The following TSHZ2 variants were observed in gnomAD, a reference collection of about 807,000 sequenced individuals.
TSHZ2 encodes teashirt zinc finger homeobox 2, also known as teashirt homolog 2.
Under a neutral mutation model 74.4 loss-of-function variants are expected in TSHZ2, and 21 were observed. The ratio of observed to expected loss-of-function variants is 0.28; its 90% CI spans 0.20 to 0.41. The LOEUF is 0.41. TSHZ2 is among the 10% of genes least tolerant of loss of function. TSHZ2 has a pLI of 1.00. For synonymous variants in TSHZ2, 540 were observed against 515.3 expected, an observed-to-expected ratio of 1.05 and a Z score of -0.65; for missense variants, 1,244 against 1,293.5, an observed-to-expected ratio of 0.96 and a Z score of 0.59.
At chr20:53,163,458 T>A (rs955180795) in intron 1 of TSHZ2, among the ~76,000 whole-genome samples, 7 of 138,384 alleles carry the variant, frequency 5.1e-5, no homozygotes, top group South Asian at 2.1e-4. Flanking sequence ...TTTATTTTAT[T>A]TTTTTTTATT....
At chr20:53,372,276 G>A (rs1000560268) in intron 2 of TSHZ2, among the ~76,000 whole-genome samples, 4 of 152,068 alleles carry the variant, frequency 2.6e-5, no homozygotes, top group African/African-American at 9.7e-5. Context: ...AGAAGTTTGC[G>A]ACCAGCCTGG....
intron 1 of TSHZ2, among the ~76,000 whole-genome samples, chr20:53,136,377 G>A (rs562885460): frequency 3.3e-5 from 5 of 152,306 alleles, no homozygotes; most frequent in East Asian, 3.9e-4. Context: ...CCAAGGGATC[G>A]AAGAGCTAGT....
intron 1 of TSHZ2, among the ~76,000 whole-genome samples, chr20:52,996,729 T>G (rs532204994): frequency 2.0e-5 from 3 of 152,212 alleles, no homozygotes; most frequent in Non-Finnish European, 2.9e-5. Context: ...TCTAGGCTGC[T>G]GACATATGCG....
intron 1 of TSHZ2, among the ~76,000 whole-genome samples, chr20:53,163,743 T>C (rs1988002424): frequency 6.6e-6 from 1 of 152,180 alleles, no homozygotes; most frequent in Admixed American, 6.5e-5. Flanking sequence ...AGGAGTGGAC[T>C]CTTCATTCCC....
chr20:53,315,399 A>G (rs943619300), intron 2 of TSHZ2, among the ~76,000 whole-genome samples: 36 of 152,208 alleles, frequency 2.4e-4, no homozygotes, highest in Non-Finnish European at 4.6e-4. Flanking sequence ...CAAACTTTCC[A>G]CGTTTTGATC....
intron 2 of TSHZ2, among the ~76,000 whole-genome samples, chr20:53,393,214 A>C (rs374259921): frequency 5.3e-5 from 8 of 152,248 alleles, no homozygotes; most frequent in African/African-American, 1.7e-4. Flanking sequence ...CTTTGTGTCC[A>C]TGTGTACTCA....
chr20:53,215,751 C>T (rs1330623247), intron 1 of TSHZ2, among the ~76,000 whole-genome samples: 1 of 151,644 alleles, frequency 6.6e-6, no homozygotes, highest in African/African-American at 2.4e-5. Flanking sequence ...GCCTGTAATT[C>T]CAGCTACTCA....
chr20:53,275,087 C>T (rs1450000160), intron 2 of TSHZ2, among the ~76,000 whole-genome samples: 2 of 152,140 alleles, frequency 1.3e-5, no homozygotes, highest in Non-Finnish European at 2.9e-5. Context: ...ACATTCCTAA[C>T]AATGGGGAAA....
chr20:53,283,964 C>G (rs541606757), intron 2 of TSHZ2, among the ~76,000 whole-genome samples: 1 of 152,328 alleles, frequency 6.6e-6, no homozygotes, highest in Non-Finnish European at 1.5e-5. Context: ...GCAAAAGAGG[C>G]TTGAATGTAG....
chr20:53,296,153 G>A (rs1991375992), intron 2 of TSHZ2, among the ~76,000 whole-genome samples: 1 of 151,046 alleles, frequency 6.6e-6, no homozygotes, highest in Admixed American at 6.6e-5. Context: ...TTTTTTAATG[G>A]TGTGCTTCCT....
chr20:53,012,847 C>A (rs1438012786), intron 1 of TSHZ2, among the ~76,000 whole-genome samples: 2 of 152,140 alleles, frequency 1.3e-5, no homozygotes, highest in African/African-American at 4.8e-5. Context: ...CAGCTAAGAT[C>A]TCTCCTTTCC....
intron 2 of TSHZ2, among the ~76,000 whole-genome samples, chr20:53,265,318 A>G (rs770051438): frequency 2.6e-5 from 4 of 152,188 alleles, no homozygotes; most frequent in Non-Finnish European, 5.9e-5. Flanking sequence ...CACATTTTCA[A>G]TGCCACAAAG....
intron 1 of TSHZ2, chr20:53,206,635 A>G (rs1247207740): frequency 6.6e-6 from 1 of 152,204 alleles, no homozygotes; most frequent in Non-Finnish European, 1.5e-5. Context: ...AAGAGTATCA[A>G]GCACTCCACG....
chr20:53,303,897 C>T (rs1051123577), intron 2 of TSHZ2, among the ~76,000 whole-genome samples: 3 of 152,038 alleles, frequency 2.0e-5, no homozygotes, highest in South Asian at 2.1e-4. Flanking sequence ...TTTGTTTCTT[C>T]AGAATTCTTT....
intron 2 of TSHZ2, among the ~76,000 whole-genome samples, chr20:53,403,542 A>G (rs2145683667): frequency 6.6e-6 from 1 of 152,298 alleles, no homozygotes; most frequent in East Asian, 1.9e-4. Context: ...CTCTGTGTGC[A>G]GCATCCACAT....
At chr20:53,432,463 A>G (rs1983880704) in intron 2 of TSHZ2, among the ~76,000 whole-genome samples, 1 of 152,198 alleles carries the variant, frequency 6.6e-6, no homozygotes. Flanking sequence ...TGATATAACA[A>G]TTTATTTTCC....
At position 53,255,729 on chromosome 20, in the gene TSHZ2, G is replaced by A; in HGVS notation, c.2271G>A (p.Leu757=). 6.2e-7 allele frequency: 1 copy of A among 1,612,906 alleles called. No individual in the cohort carries two copies. Among genetic ancestry groups the A allele is most frequent in the Admixed American group, 1.7e-5 (1 of 59,836 alleles). The stretch of plus-strand genomic sequence containing the variant: ...CAGCCAGCGTGTCCAGGCGCTACCT[G>A]TTTGAGAACAGCGATCAGCCCATTG... ...TRSASVSRRY[L]FENSDQPIDL... The change falls in exon 2 of 3, where the codon CTG becomes CTA. Residue 757 remains leucine (L), a synonymous_variant. Coordinates refer to ENST00000371497, the MANE Select transcript of TSHZ2 (RefSeq NM_173485.6). The surrounding 1 kb of genome is among the most constrained non-coding windows in gnomAD (Gnocchi z 4.1).
At chr20:53,009,569 C>T (rs929636952) in intron 1 of TSHZ2, among the ~76,000 whole-genome samples, 1 of 152,158 alleles carries the variant, frequency 6.6e-6, no homozygotes, top group African/African-American at 2.4e-5. Context: ...TAGTTGACCA[C>T]AGGTAACTGA....
chr20:53,192,300 A>AC (rs991969260), intron 1 of TSHZ2, among the ~76,000 whole-genome samples: 2 of 152,040 alleles, frequency 1.3e-5, no homozygotes, highest in African/African-American at 4.8e-5. Context: ...GCTAAAAAAA[A>AC]AAAAAAACAA....
Sources: allele counts gnomAD v4.1 joint callset (sites outside exome capture counted in the v4.1 genomes callset), GRCh38; gene constraint gnomAD v4.1.1; non-coding constraint Gnocchi (gnomAD v3.1); transcripts MANE v1.5; gene names NCBI Gene and HGNC (gene_info 2026-07-23, HGNC 2026-07-21).